The following VAT1 variants were observed in gnomAD, a reference collection of about 807,000 sequenced individuals.
VAT1 encodes vesicle amine transport 1, also known as NADPH-dependent quinone oxidoreductase VAT1.
Under a neutral mutation model 33.3 loss-of-function variants are expected in VAT1, and 24 were observed. That is an observed-to-expected ratio of 0.72 (90% confidence interval 0.52 to 1.01). VAT1 has a LOEUF of 1.01. Among genes scored for constraint, VAT1 ranks in the 50% least tolerant of loss-of-function variants. VAT1 has a pLI of 0.00. For synonymous variants in VAT1, 212 were observed against 225.0 expected (o/e 0.94, Z 0.52); for missense variants, 436 against 533.7 (o/e 0.82, Z 1.80).
At chr17:43,019,200 A>G (rs2050545673) in intron 1 of VAT1, among the ~76,000 whole-genome samples, 1 of 152,186 alleles carries the variant, frequency 6.6e-6, no homozygotes, top group South Asian at 2.1e-4. Context: ...AAGCGGTCTC[A>G]ACTGTTTACT....
At position 43,021,651 on chromosome 17, in the gene VAT1, T is replaced by C. The variant is rs951635493; in HGVS notation, c.387+285A>G. On this transcript the variant is annotated intron_variant, in intron 1 of 5. Coordinates refer to ENST00000355653, the MANE Select transcript of VAT1 (RefSeq NM_006373.4). Reference sequence around the variant, plus strand: ...GGGGACGGTAGTGTGGTTGTGCGCATGCGCATGGGCACCTTATTGTTTTCC... The same window carrying C: ...GGGGACGGTAGTGTGGTTGTGCGCACGCGCATGGGCACCTTATTGTTTTCC... Among the ~76,000 whole-genome samples the C allele has an allele frequency of 4.1e-5, 6 of 145,200 alleles. No individual in the cohort carries two copies. The South Asian group carries it at 6.8e-4, about 16-fold the overall frequency.
In VAT1 at chr17:43,022,014, G is replaced by A. The variant is rs776030724; in HGVS notation, c.309C>T (p.Leu103=). The A allele has an allele frequency of 1.8e-5, 29 of 1,608,290 alleles. No individual in the cohort carries two copies. Among genetic ancestry groups the A allele is most frequent in the Non-Finnish European group, 2.3e-5 (27 of 1,178,872 alleles). The change falls in exon 1 of 6, where the codon CTC becomes CTT. Residue 103 remains leucine, a synonymous_variant. Coordinates refer to ENST00000355653, the MANE Select transcript of VAT1 (RefSeq NM_006373.4). ...LMARQGLYDR[L]PPLPVTPGME... is the part of the protein sequence containing the mutation. ...TGCCCGGAGTGACAGGCAGAGGCGG[G>A]AGACGGTCGTACAGCCCCTGCCTAG...
At chr17:43,020,736 A>G (rs575870625) in intron 1 of VAT1, among the ~76,000 whole-genome samples, 46 of 152,030 alleles carry the variant, frequency 3.0e-4, no homozygotes, top group African/African-American at 8.7e-4. Context: ...TTAGCCAGGC[A>G]TGGTGGCGCA....
chr17:43,019,891 G>A (rs1447319619), intron 1 of VAT1, among the ~76,000 whole-genome samples: 1 of 152,036 alleles, frequency 6.6e-6, no homozygotes. Flanking sequence ...AAGGGGGATG[G>A]GACTGCCACT....
At chr17:43,021,735 G>T (rs954475303) in intron 1 of VAT1, among the ~76,000 whole-genome samples, 1 of 152,086 alleles carries the variant, frequency 6.6e-6, no homozygotes, top group Non-Finnish European at 1.5e-5. Context: ...GGGAAGGGGC[G>T]ATAATTTCGT....
intron 1 of VAT1, chr17:43,019,370 TAAC>T (rs1407883754): frequency 6.5e-6 from 1 of 152,764 alleles, no homozygotes; most frequent in East Asian, 1.9e-4. Flanking sequence ...TAATGTTAGC[TAAC>T]AATAATAATA....
At chr17:43,020,124 C>A (rs972408082) in intron 1 of VAT1, 2 of 985,362 alleles carry the variant, frequency 2.0e-6, no homozygotes, top group East Asian at 1.1e-4. Context: ...AGATTTGACC[C>A]AGAACAAGTC....
intron 4 of VAT1, among the ~76,000 whole-genome samples, chr17:43,017,582 C>CAAAAAAAAAAAAAAAA (rs55979457): frequency 1.5e-5 from 1 of 66,476 alleles, no homozygotes; most frequent in Non-Finnish European, 2.9e-5. Flanking sequence ...AACTCCATCT[C>CAAAAAAAAAAAAAAAA]AAAAAAAAAA....
In VAT1 at chr17:43,016,501, C is replaced by T. The variant is rs374846924; in HGVS notation, c.904G>A (p.Ala302Thr). ...CTGAACTGATTCCACCATGTCCGGGCCAGGGCCATCAGGTTCCGTTTGGGG... is the reference window on the plus strand; with the variant it reads ...CTGAACTGATTCCACCATGTCCGGGTCAGGGCCATCAGGTTCCGTTTGGGG... ...TGPKRNLMAL[A>T]RTWWNQFSVT... Residue 302 changes from alanine to threonine, a missense_variant, in exon 5 of 6, where the codon GCC becomes ACC. Ala to Thr is a moderately conservative substitution (Grantham distance 58). Around this residue, in one of 2 missense-constraint regions of VAT1, gnomAD observed 282 missense variants for 405.4 expected, o/e 0.70. Transcript: ENST00000355653. The T allele has an allele frequency of 6.2e-7, 1 of 1,614,038 alleles. No individual in the cohort carries two copies. Among genetic ancestry groups the T allele is most frequent in the East Asian group, 2.2e-5 (1 of 44,888 alleles).
At position 43,017,940 on chromosome 17, in the gene VAT1, A is replaced by G. The variant is rs768216242; in HGVS notation, c.767-10T>C. On this transcript the variant is annotated splice_polypyrimidine_tract_variant and intron_variant, in intron 3 of 5. Transcript: ENST00000355653. ...ATGACAATGTCCACTCCTGTCATAG[A>G]GTAGGGGAACCCAAGAACAACATTA... 6.2e-7 allele frequency: 1 copy of G among 1,614,190 alleles called. No individual in the cohort carries two copies. Among genetic ancestry groups the G allele is most frequent in the Admixed American group, 1.7e-5 (1 of 60,030 alleles).
Position 43,018,088 on chromosome 17 carries a change from G to T in VAT1, c.714C>A (p.Ile238=), listed in dbSNP as rs11539633. The T allele has an allele frequency of 6.2e-7, 1 of 1,613,964 alleles. No individual in the cohort carries two copies. Among genetic ancestry groups the T allele is most frequent in the Admixed American group, 1.7e-5 (1 of 59,988 alleles). The change falls in exon 3 of 6, where the codon ATC becomes ATA. Residue 238 remains isoleucine, a synonymous_variant. Transcript: ENST00000355653. ...CCACGTAGTCAGTCGTGTGATAGTC[G>T]ATGGGATGTGTGACCCCATTCTCCT... is the stretch of plus-strand genomic sequence containing the variant. ...ALKENGVTHP[I]DYHTTDYVDE...
chr17:43,020,060 A>G (rs1266965546), intron 1 of VAT1: 2 of 978,848 alleles, frequency 2.0e-6, no homozygotes, highest in East Asian at 2.3e-4. Context: ...GATACAGAAC[A>G]ACCCAGGAGA....
At position 43,017,719 on chromosome 17, in the gene VAT1, G is replaced by A. The variant is rs143366882; in HGVS notation, c.856+122C>T. The A allele has an allele frequency of 8.4e-4, 672 of 796,762 alleles. 5 individuals carry two copies. The African/African-American group carries it at 0.01, about 12-fold the overall frequency. The allele number at this position is 796,762 out of a possible 1,614,324, so 49.4% of individuals were successfully genotyped here. A position where few individuals can be genotyped will look rare whatever the true frequency, so the allele number is the denominator to read the frequency against. On this transcript the variant is annotated intron_variant, in intron 4 of 5. Coordinates refer to ENST00000355653, the MANE Select transcript of VAT1 (RefSeq NM_006373.4). The stretch of plus-strand genomic sequence containing the variant: ...TACAGGACCATTCCTAACCCTGATC[G>A]TCTACAGAGCACCTGAGTCCCTACC...
chr17:43,016,361 C>T lies in VAT1; in HGVS notation c.1044G>A (p.Leu348=). 1 of 1,612,318 alleles carries T rather than the reference C, an allele frequency of 6.2e-7. No individual in the cohort carries two copies. The highest frequency in any genetic ancestry group is 2.2e-5 in the East Asian group (1 of 44,884). ...VSGVVARLLA[L]YNQGHIKPHI... Reference sequence around the variant, plus strand: ...GGGGCTTGATGTGGCCCTGGTTGTACAGAGCCAGGAGGCGGGCCACCACAC... The same window carrying T: ...GGGGCTTGATGTGGCCCTGGTTGTATAGAGCCAGGAGGCGGGCCACCACAC... Residue 348 remains leucine (L), a synonymous_variant, in exon 5 of 6, where the codon CTG becomes CTA. Transcript: ENST00000355653.
At position 43,014,644 on chromosome 17, in the gene VAT1, C is replaced by T. The variant is rs2050506193; in HGVS notation, c.*1417G>A. 5.0e-6 allele frequency: 1 copy of T among 201,834 alleles called. No individual in the cohort carries two copies. Among genetic ancestry groups the T allele is most frequent in the Admixed American group, 5.5e-5 (1 of 18,102 alleles). 12.5% of individuals were successfully genotyped at this position (201,834 alleles called of 1,614,324 possible). ...TTTTATTGACACAAACACACAAAGG[C>T]AGCTGTGGTAATGGGGTGGTGGGGT... On this transcript the variant is annotated 3_prime_UTR_variant, in exon 6 of 6. Coordinates refer to ENST00000355653, the MANE Select transcript of VAT1 (RefSeq NM_006373.4).
At chr17:43,021,564 C>G (rs1459363830) in intron 1 of VAT1, among the ~76,000 whole-genome samples, 1 of 115,936 alleles carries the variant, frequency 8.6e-6, no homozygotes, top group Non-Finnish European at 1.7e-5. Flanking sequence ...CCACAATTAC[C>G]CAGAGAGTGT....
Position 43,016,506 on chromosome 17 carries a change from G to A in VAT1, c.899C>T (p.Ala300Val), listed in dbSNP as rs1435573738. ...CTGATTCCACCATGTCCGGGCCAGG[G>A]CCATCAGGTTCCGTTTGGGGCCCGT... is the stretch of plus-strand genomic sequence containing the variant. ...LLTGPKRNLM[A>V]LARTWWNQFS... The change falls in exon 5 of 6, where the codon GCC becomes GTC. Residue 300 changes from alanine (A) to valine (V), a missense_variant. Ala to Val is a moderately conservative substitution (Grantham distance 64). Transcript: ENST00000355653. The A allele has an allele frequency of 5.0e-6, 8 of 1,613,948 alleles. No individual in the cohort carries two copies. The highest frequency in any genetic ancestry group is 2.2e-5 in the South Asian group (2 of 91,056).
chr17:43,021,681 C>G (rs917040095), intron 1 of VAT1, among the ~76,000 whole-genome samples: 7 of 152,168 alleles, frequency 4.6e-5, no homozygotes, highest in East Asian at 1.9e-4. Flanking sequence ...TTTTCCCCCC[C>G]ACCAGCACAG....
Position 43,021,996 on chromosome 17 carries a change from A to G in VAT1, c.327T>C (p.Thr109=), listed in dbSNP as rs1336350776. The change falls in exon 1 of 6, where the codon ACT becomes ACC. Residue 109 remains threonine, a synonymous_variant. Coordinates refer to ENST00000355653, the MANE Select transcript of VAT1 (RefSeq NM_006373.4). ...CAACACCCGCGCCCTCCATGCCCGG[A>G]GTGACAGGCAGAGGCGGGAGACGGT... ...LYDRLPPLPV[T]PGMEGAGVVI... 9.9e-6 allele frequency: 16 copies of G among 1,610,850 alleles called. No homozygotes were observed. The highest frequency in any genetic ancestry group is 1.4e-5 in the Non-Finnish European group (16 of 1,179,690).
Sources: gnomAD v4.1 joint callset for allele counts (sites outside exome capture counted in the v4.1 genomes callset) on GRCh38, gnomAD v4.1.1 for gene constraint, gnomAD v4.1.1 regional missense constraint, MANE v1.5 for transcripts, NCBI Gene and HGNC (gene_info 2026-07-23, HGNC 2026-07-21) for gene names.